AGRN: variants seen among roughly 807,000 people sequenced by gnomAD.
The protein encoded by AGRN is agrin proteoglycan.
AGRN carries 106 observed loss-of-function variants against 211.0 expected under a neutral mutation model. The ratio of observed to expected loss-of-function variants is 0.50; its 90% confidence interval spans 0.43 to 0.59. The LOEUF is 0.59. Among genes scored for constraint, AGRN ranks in the 20% least tolerant of loss-of-function variants. The pLI, the probability that AGRN is intolerant of heterozygous loss-of-function variation, is 0.00. For synonymous variants in AGRN, 1,525 were observed against 1,332.5 expected (o/e 1.14, Z -3.15); for missense variants, 3,040 against 2,982.6 (o/e 1.02, Z -0.45).
intron 30 of AGRN, 112 bp from the exon 31 acceptor site, chr1:1,051,141 G>T: frequency 6.7e-7 from 1 of 1,500,086 alleles, no homozygotes; most frequent in Non-Finnish European, 9.0e-7. Flanking sequence ...TGTGATTAAC[G>T]CTGCCCCCTA....
rs377621740 is a variant in AGRN, at chr1:1,051,716, C to T, written c.5564-12C>T. The T allele has an allele frequency of 6.2e-7, 1 of 1,613,512 alleles. No homozygotes were observed. The highest frequency in any genetic ancestry group is 1.3e-5 in the African/African-American group (1 of 74,940). ...GCCCACGAGGCCCCACCCTCACCTG[C>T]CTATCTCACAGGGCTGGTGGAGAAG... On this transcript the variant is annotated splice_polypyrimidine_tract_variant and intron_variant, in intron 32 of 35. Transcript: ENST00000379370.
At chr1:1,042,255 C>T (rs1429698615) in intron 7 of AGRN, 93 bp downstream of exon 7, 19 of 1,429,426 alleles carry the variant, frequency 1.3e-5, no homozygotes, top group Non-Finnish European at 1.1e-5. Flanking sequence ...CATCATGTTC[C>T]TCTTGGGGTC....
chr1:1,050,183 G>T, intron 27 of AGRN, 50 bp from the exon 28 acceptor site: 1 of 1,606,034 alleles, frequency 6.2e-7, no homozygotes, highest in Non-Finnish European at 8.5e-7. Flanking sequence ...GGCATGGGGT[G>T]CAGGAGGCCC....
chr1:1,044,459 G>C lies in AGRN; in HGVS notation c.2254+20G>C. 6.3e-7 allele frequency: 1 copy of C among 1,595,236 alleles called. No homozygotes were observed. Among genetic ancestry groups the C allele is most frequent in the South Asian group, 1.1e-5 (1 of 89,116 alleles). The stretch of plus-strand genomic sequence containing the variant: ...GCCGAGGTGAGCCGGCTGCACGTGG[G>C]GTCTCAGGCACAGGCGGGGCGGCGT... On this transcript the variant is annotated intron_variant, in intron 12 of 35. Coordinates refer to ENST00000379370, the MANE Select transcript of AGRN (RefSeq NM_198576.4).
At position 1,050,837 on chromosome 1, in the gene AGRN, G is replaced by A. The variant is rs13303235; in HGVS notation, c.5253G>A (p.Pro1751=). The A allele has an allele frequency of 5.1e-6, 8 of 1,568,496 alleles. No homozygotes were observed. The highest frequency in any genetic ancestry group is 2.0e-4 in the Middle Eastern group (1 of 5,052). Residue 1751 remains proline (P), a splice_region_variant and synonymous_variant, in exon 30 of 36, where the codon CCG becomes CCA. Transcript: ENST00000379370. The part of the protein sequence containing the change: ...GDGPRVLGES[P]VPHTVLNLKE... The stretch of plus-strand genomic sequence containing the variant: ...GCCCCCGTGTGTTGGGGGAGTCCCC[G>A]GTGAGTGCTCTGGGCCGCGAGGGGA...
At chr1:1,029,101 G>C (rs560872682) in intron 2 of AGRN, among the ~76,000 whole-genome samples, 1,467 of 128,528 alleles carry the variant, frequency 0.011, 45 homozygotes, top group African/African-American at 0.033. Flanking sequence ...GGCGCCCACA[G>C]CCACGCCACC....
chr1:1,051,393 G>T, intron 31 of AGRN, 24 bp downstream of exon 31: 1 of 1,544,314 alleles, frequency 6.5e-7, no homozygotes, highest in Non-Finnish European at 8.7e-7. Flanking sequence ...GGGCGTCCCA[G>T]CAGGGCCTCC....
At chr1:1,044,534 C>G (rs1645038025) in intron 12 of AGRN, 95 bp downstream of exon 12, 2 of 1,281,270 alleles carry the variant, frequency 1.6e-6, no homozygotes, top group South Asian at 2.6e-5. Context: ...GCGTTGGGCC[C>G]CTGTGGACGT....
At chr1:1,034,549 C>G in intron 2 of AGRN, 1 of 986,468 alleles carries the variant, frequency 1.0e-6, no homozygotes, top group Non-Finnish European at 1.2e-6. Context: ...AGCCGGAGCC[C>G]CGGGCCATGC....
At chr1:1,054,319 A>T in intron 34 of AGRN, 129 bp from the exon 35 acceptor site, 1 of 869,970 alleles carries the variant, frequency 1.1e-6, no homozygotes, top group Non-Finnish European at 1.8e-6. Flanking sequence ...CCTTGCCCCC[A>T]GGGGTGATAC....
chr1:1,049,159 C>G (rs1401773042), intron 24 of AGRN, 77 bp from the exon 25 acceptor site: 1 of 237,554 alleles, frequency 4.2e-6, no homozygotes, highest in Non-Finnish European at 6.1e-6. Context: ...GGGGTGGGGA[C>G]GGGGGCGGGG....
rs1048442452 is a variant in AGRN, at chr1:1,028,336, C to T, written c.463+5874C>T. ...TGGGGAAACGCCCCCCCCCCCCCCCCGCCCTGCACCTGGCTGGCGGCACCT... is the reference window on the plus strand; with the variant it reads ...TGGGGAAACGCCCCCCCCCCCCCCCTGCCCTGCACCTGGCTGGCGGCACCT... On this transcript the variant is annotated intron_variant, in intron 2 of 35. Coordinates refer to ENST00000379370, the MANE Select transcript of AGRN (RefSeq NM_198576.4). Among the ~76,000 whole-genome samples, 8 of 124,732 alleles carry T rather than the reference C, an allele frequency of 6.4e-5. 1 individual carries two copies. Among genetic ancestry groups the T allele is most frequent in the Non-Finnish European group, 1.1e-4 (6 of 56,840 alleles). 81.8% of individuals were successfully genotyped at this position (124,732 alleles called of 152,430 possible).
intron 2 of AGRN, 28 bp from the exon 3 acceptor site, chr1:1,035,249 C>T: frequency 6.2e-7 from 1 of 1,612,574 alleles, no homozygotes; most frequent in Non-Finnish European, 8.5e-7. Flanking sequence ...CTCAGAGGAG[C>T]CTAACTTGGG....
chr1:1,052,975 G>A (rs1645350950), intron 33 of AGRN: 1 of 172,560 alleles, frequency 5.8e-6, no homozygotes, highest in Non-Finnish European at 1.2e-5. Context: ...GGTGTAAGTG[G>A]GGAGCACTCA....
Position 1,043,716 on chromosome 1 carries a change from C to T in AGRN, c.1782C>T (p.Ala594=). The T allele has an allele frequency of 1.2e-6, 2 of 1,600,926 alleles. No individual in the cohort carries two copies. Among genetic ancestry groups the T allele is most frequent in the East Asian group, 2.2e-5 (1 of 44,872 alleles). Residue 594 remains alanine, a synonymous_variant, in exon 9 of 36, where the codon GCC becomes GCT. Transcript: ENST00000379370. ...CACACCAGATCAGCCTGCACGTGGC[C>T]TCAGCTGGACCCTGTGGTGAGTGAG... The part of the protein sequence containing the change: ...ACTHQISLHV[A]SAGPCETCGD...
In AGRN at chr1:1,051,614, C is replaced by G; in HGVS notation, c.5532C>G (p.Pro1844=). 6.2e-7 allele frequency: 1 copy of G among 1,609,776 alleles called. No homozygotes were observed. The highest frequency in any genetic ancestry group is 8.5e-7 in the Non-Finnish European group (1 of 1,177,924). The change falls in exon 32 of 36, where the codon CCC becomes CCG. Residue 1844 remains proline (P), a synonymous_variant. Transcript: ENST00000379370. ...AGGCTGCCTATGTGTGCCTGTGTCCCGGGGGATTCTCAGGACCGCACTGCG... is the reference window on the plus strand; with the variant it reads ...AGGCTGCCTATGTGTGCCTGTGTCCGGGGGGATTCTCAGGACCGCACTGCG... ...PREAAYVCLC[P]GGFSGPHCEK... is the part of the protein sequence containing the mutation.
intron 35 of AGRN, 131 bp from the exon 36 acceptor site, chr1:1,054,693 T>G (rs1464799064): frequency 6.8e-7 from 1 of 1,481,096 alleles, no homozygotes; most frequent in Non-Finnish European, 9.1e-7. Context: ...CTGTAGCCCC[T>G]GCAGTTCCCA....
In AGRN at chr1:1,040,867, C is replaced by G; in HGVS notation, c.714C>G (p.Ser238Arg). The G allele has an allele frequency of 6.6e-7, 1 of 1,521,666 alleles. No individual in the cohort carries two copies. The highest frequency in any genetic ancestry group is 8.8e-7 in the Non-Finnish European group (1 of 1,141,718). The allele number at this position is 1,521,666 out of a possible 1,614,324, so 94.3% of individuals were successfully genotyped here. A position where few individuals can be genotyped will look rare whatever the true frequency, so the allele number is the denominator to read the frequency against. The change falls in exon 4 of 36, where the codon AGC becomes AGG. Residue 238 changes from serine (S) to arginine (R), a missense_variant. By Grantham distance (110) the Ser-to-Arg change is moderately radical (BLOSUM62 -1). Transcript: ENST00000379370. ...CSQQRRIRLL[S>R]RGPCGSRDPC... Reference sequence around the variant, plus strand: ...AGCAGCGCCGCATCCGCCTGCTCAGCCGCGGGCCGTGCGGTGAGCGGGGCG... The same window carrying G: ...AGCAGCGCCGCATCCGCCTGCTCAGGCGCGGGCCGTGCGGTGAGCGGGGCG...
rs556480344 is a variant in AGRN at position 1,031,348 on chromosome 1, A to G, written c.464-3929A>G. 2.0e-5 allele frequency among the ~76,000 whole-genome samples: 3 copies of G among 152,080 alleles called. No individual in the cohort carries two copies. In the East Asian group the frequency reaches 5.8e-4, roughly 29 times the overall value. On this transcript the variant is annotated intron_variant, in intron 2 of 35. Transcript: ENST00000379370. The surrounding 1 kb of genome is among the most constrained non-coding windows in gnomAD (Gnocchi z 4.8). The stretch of plus-strand genomic sequence containing the variant: ...TGAGATCAGGGACCAGGGGGCTAGT[A>G]CTCTTTCCTGCACATGAGCCTGCGT...
Sources: allele counts gnomAD v4.1 joint callset (sites outside exome capture counted in the v4.1 genomes callset), GRCh38; gene constraint gnomAD v4.1.1; non-coding constraint Gnocchi (gnomAD v3.1); transcripts MANE v1.5; gene names NCBI Gene and HGNC (gene_info 2026-07-23, HGNC 2026-07-21).